AMBN: variants seen among roughly 807,000 people sequenced by gnomAD.
AMBN encodes ameloblastin.
A neutral mutation model predicts 48.0 loss-of-function variants in AMBN; 54 were observed. The ratio of observed to expected loss-of-function variants is 1.12; its 90% CI spans 0.90 to 1.41. The LOEUF (loss-of-function observed/expected upper bound fraction) is 1.41. Among genes scored for constraint, AMBN ranks in the 40% most tolerant of loss-of-function variants. The pLI is 0.00. For missense variants in AMBN, 571 were observed against 547.3 expected (o/e 1.04, Z -0.43); for synonymous variants, 186 against 190.0 (o/e 0.98, Z 0.17).
At chr4:70,603,971 G>A in intron 12 of AMBN, 50 bp downstream of exon 12, 1 of 1,582,894 alleles carries the variant, frequency 6.3e-7, no homozygotes, top group East Asian at 2.2e-5. Flanking sequence ...GGGAAGAACA[G>A]TCACTTATGA....
chr4:70,596,104 A>G (rs1420569916), intron 2 of AMBN, among the ~76,000 whole-genome samples: 1 of 152,130 alleles, frequency 6.6e-6, no homozygotes, highest in East Asian at 1.9e-4. Flanking sequence ...AGCCTGGCCA[A>G]CATGGTGAAA....
At chr4:70,593,428 G>C in intron 2 of AMBN, 33 bp downstream of exon 2, 1 of 1,566,564 alleles carries the variant, frequency 6.4e-7, no homozygotes, top group Non-Finnish European at 8.8e-7. Context: ...TCCCAGAAAA[G>C]GTTATTGATT....
Position 70,592,261 on chromosome 4 carries a change from G to T in AMBN, c.-98G>T. ...GTTTCTAATCTTCCCTGAATGAGAA[G>T]TACAGAGCAAGTCCCACGCACAGTC... On this transcript the variant is annotated 5_prime_UTR_variant, in exon 1 of 13. Transcript: ENST00000322937. 8.3e-7 allele frequency: 1 copy of T among 1,199,682 alleles called. No homozygotes were observed. Among genetic ancestry groups the T allele is most frequent in the Admixed American group, 1.9e-5 (1 of 53,242 alleles). The allele number at this position is 1,199,682 out of a possible 1,614,324, so 74.3% of individuals were successfully genotyped here.
chr4:70,603,656 GCA>G (rs778353419), intron 11 of AMBN, among the ~76,000 whole-genome samples, 196 bp downstream of exon 11: 4 of 151,108 alleles, frequency 2.6e-5, no homozygotes, highest in Non-Finnish European at 5.9e-5. Context: ...ACACGCACAC[GCA>G]CACACACGCA....
chr4:70,602,614 T>C lies in AMBN; in HGVS notation c.532-10T>C, dbSNP rs751577588. ...TTGACTGATAATTTTAATATTTATCTGTGATATAGCTCCCAGGAGTAGATT... is the reference window on the plus strand; with the variant it reads ...TTGACTGATAATTTTAATATTTATCCGTGATATAGCTCCCAGGAGTAGATT... On this transcript the variant is annotated splice_polypyrimidine_tract_variant and intron_variant, in intron 6 of 12. Coordinates refer to ENST00000322937, the MANE Select transcript of AMBN (RefSeq NM_016519.6). 2 of 1,538,136 alleles carry C rather than the reference T, an allele frequency of 1.3e-6. No individual in the cohort carries two copies. The highest frequency in any genetic ancestry group is 2.0e-5 in the Admixed American group (1 of 49,954).
intron 5 of AMBN, 79 bp downstream of exon 5, chr4:70,599,725 A>C: frequency 9.3e-7 from 1 of 1,073,526 alleles, no homozygotes; most frequent in Non-Finnish European, 1.3e-6. Context: ...GTTATGATAT[A>C]TTAGAAACAG....
chr4:70,603,323 A>G lies in AMBN; in HGVS notation c.708+4A>G, dbSNP rs918502953. The G allele has an allele frequency of 5.0e-6, 8 of 1,613,586 alleles. No homozygotes were observed. The highest frequency in any genetic ancestry group is 6.8e-6 in the Non-Finnish European group (8 of 1,179,768). ...GCCACAAAATAAACAATCTCCAGTA[A>G]GTTTTTTTTAATACCACATCTCTGT... On this transcript the variant is annotated splice_donor_region_variant and intron_variant, in intron 10 of 12. Coordinates refer to ENST00000322937, the MANE Select transcript of AMBN (RefSeq NM_016519.6).
At chr4:70,596,892 T>TC (rs1737394724) in intron 2 of AMBN, 107 bp from the exon 3 acceptor site, 1 of 798,524 alleles carries the variant, frequency 1.3e-6, no homozygotes, top group East Asian at 2.6e-5. Flanking sequence ...ACCAAAATGG[T>TC]GGCCTCTCAG....
chr4:70,602,740 G>A lies in AMBN; in HGVS notation c.571-58G>A, dbSNP rs1577956646. On this transcript the variant is annotated intron_variant, in intron 7 of 12. Coordinates refer to ENST00000322937, the MANE Select transcript of AMBN (RefSeq NM_016519.6). ...TTTGTTCACTTTTTTATTTTTATTT[G>A]TATTTAACTACTTTGTTCATTTTTT... is the stretch of plus-strand genomic sequence containing the variant. 8 of 1,455,106 alleles carry A rather than the reference G, an allele frequency of 5.5e-6. No homozygotes were observed. In the East Asian group the frequency reaches 7.3e-5, roughly 13 times the overall value. The allele number at this position is 1,455,106 out of a possible 1,614,324, so 90.1% of individuals were successfully genotyped here. A position where few individuals can be genotyped will look rare whatever the true frequency, so the allele number is the denominator to read the frequency against.
chr4:70,596,884 C>T, intron 2 of AMBN, 115 bp from the exon 3 acceptor site: 1 of 744,384 alleles, frequency 1.3e-6, no homozygotes, highest in Non-Finnish European at 2.1e-6. Context: ...CATAATAAAC[C>T]AAAATGGTGG....
rs763034932 is a variant in AMBN, at chr4:70,603,001, A to G, written c.639A>G (p.Gln213=). 76 of 1,606,060 alleles carry G rather than the reference A, an allele frequency of 4.7e-5. 1 individual carries two copies. The East Asian group carries it at 1.7e-3, about 35-fold the overall frequency. The change falls in exon 9 of 13, where the codon CAA becomes CAG. Residue 213 remains glutamine (Q), a synonymous_variant. Coordinates refer to ENST00000322937, the MANE Select transcript of AMBN (RefSeq NM_016519.6). ...SLPGLDFADP[Q]GSTIFQIARL... ...CAGGATTGGATTTTGCTGATCCACA[A>G]GGTTCAACAGTAAGTACAGATCTCA...
At chr4:70,596,802 A>G (rs1737393061) in intron 2 of AMBN, among the ~76,000 whole-genome samples, 197 bp from the exon 3 acceptor site, 1 of 152,248 alleles carries the variant, frequency 6.6e-6, no homozygotes, top group African/African-American at 2.4e-5. Flanking sequence ...GAGCAAAATT[A>G]TCAAATACTA....
chr4:70,592,424 C>T, intron 1 of AMBN, 51 bp downstream of exon 1: 8 of 1,595,856 alleles, frequency 5.0e-6, no homozygotes, highest in Admixed American at 3.3e-5. Context: ...TTCTTTTTTT[C>T]CTATCTCCTG....
At chr4:70,598,883 T>C (rs1737449959) in intron 4 of AMBN, among the ~76,000 whole-genome samples, 1 of 151,638 alleles carries the variant, frequency 6.6e-6, no homozygotes, top group Non-Finnish European at 1.5e-5. Context: ...CAAGCAATTC[T>C]CCTGTCTCAG....
Position 70,606,808 on chromosome 4 carries a change from C to T in AMBN, c.*78C>T, listed in dbSNP as rs924340205. On this transcript the variant is annotated 3_prime_UTR_variant, in exon 13 of 13. Coordinates refer to ENST00000322937, the MANE Select transcript of AMBN (RefSeq NM_016519.6). ...CCCACAGTGTACCTTTTTGCTAAAA[C>T]ACTTATTACCCTTCTGCAGCAAAGG... 10 of 1,454,592 alleles carry T rather than the reference C, an allele frequency of 6.9e-6. No individual in the cohort carries two copies. The highest frequency in any genetic ancestry group is 1.5e-5 in the African/African-American group (1 of 68,230). 90.1% of individuals were successfully genotyped at this position (1,454,592 alleles called of 1,614,324 possible). A position where few individuals can be genotyped will look rare whatever the true frequency, so the allele number is the denominator to read the frequency against.
chr4:70,593,679 A>G (rs1276304621), intron 2 of AMBN, among the ~76,000 whole-genome samples: 1 of 152,164 alleles, frequency 6.6e-6, no homozygotes, highest in East Asian at 1.9e-4. Context: ...AGCCTAGCCA[A>G]CATGGCTAAA....
intron 12 of AMBN, 81 bp from the exon 13 acceptor site, chr4:70,606,104 G>A: frequency 6.7e-7 from 1 of 1,492,164 alleles, no homozygotes; most frequent in Non-Finnish European, 9.1e-7. Flanking sequence ...GAGATCCTTG[G>A]TGAATGTGAC....
At position 70,606,215 on chromosome 4, in the gene AMBN, G is replaced by A; in HGVS notation, c.829G>A (p.Ala277Thr). The A allele has an allele frequency of 1.9e-6, 3 of 1,614,100 alleles. No homozygotes were observed. Among genetic ancestry groups the A allele is most frequent in the Admixed American group, 1.7e-5 (1 of 60,016 alleles). ...GAGAGAAGACCCAATGGCCTATGGA[G>A]CCATGTTTCCAGGATTTGGAGGCAT... ...GGREDPMAYGAMFPGFGGMRP... is the reference protein window; with the variant it reads ...GGREDPMAYGTMFPGFGGMRP... The change falls in exon 13 of 13, where the codon GCC becomes ACC. Residue 277 changes from alanine to threonine, a missense_variant. Physicochemically the swap from Ala to Thr is moderately conservative, Grantham distance 58. Transcript: ENST00000322937.
chr4:70,604,693 G>C (rs1247194312), intron 12 of AMBN, among the ~76,000 whole-genome samples: 5 of 150,516 alleles, frequency 3.3e-5, no homozygotes, highest in African/African-American at 9.7e-5. Flanking sequence ...AACAAGACAA[G>C]GTAAGATTTT....
Sources: allele counts gnomAD v4.1 joint callset (sites outside exome capture counted in the v4.1 genomes callset), GRCh38; gene constraint gnomAD v4.1.1; transcripts MANE v1.5; gene names NCBI Gene and HGNC (gene_info 2026-07-23, HGNC 2026-07-21).